The following TRPM7 variants were observed in gnomAD, a reference collection of about 807,000 sequenced individuals.
TRPM7 encodes the protein LTRPC ion channel family member 7.
In TRPM7, 134 loss-of-function variants were observed where a neutral mutation model predicts 229.7. The observed-to-expected ratio is 0.58, with a 90% CI of 0.51 to 0.67. The LOEUF is 0.67. Ranked by LOEUF, TRPM7 falls within the 30% of genes least tolerant of loss-of-function variation. The probability of loss-of-function intolerance (pLI) is 0.00; values close to 1 mark genes in which losing one functional copy is unlikely to be tolerated. For synonymous variants in TRPM7, 699 were observed against 715.2 expected (o/e 0.98, Z 0.36); for missense variants, 1,901 against 2,210.0 (o/e 0.86, Z 2.80).
intron 27 of TRPM7, among the ~76,000 whole-genome samples, chr15:50,589,008 T>A (rs1376861506): frequency 6.6e-6 from 1 of 151,956 alleles, no homozygotes; most frequent in Non-Finnish European, 1.5e-5. Context: ...GGAAAACATA[T>A]GGGGAGAAGA....
intron 26 of TRPM7, among the ~76,000 whole-genome samples, chr15:50,590,282 A>G (rs78060554): frequency 6.7e-6 from 1 of 149,276 alleles, no homozygotes; most frequent in Non-Finnish European, 1.5e-5. Flanking sequence ...TACTATTAAT[A>G]AAAAAAAAAG....
chr15:50,626,891 T>C (rs1234449106), intron 11 of TRPM7, among the ~76,000 whole-genome samples: 1 of 152,150 alleles, frequency 6.6e-6, no homozygotes, highest in Non-Finnish European at 1.5e-5. Flanking sequence ...TTAACAGTTT[T>C]AGAAAGGTAC....
At chr15:50,665,915 C>A (rs1420723752) in intron 1 of TRPM7, among the ~76,000 whole-genome samples, 2 of 152,044 alleles carry the variant, frequency 1.3e-5, no homozygotes, top group South Asian at 2.1e-4. Context: ...ACTGCTTGAA[C>A]GTGGAAGGCA....
intron 1 of TRPM7, among the ~76,000 whole-genome samples, chr15:50,666,976 G>A (rs1012264707): frequency 5.3e-5 from 8 of 152,014 alleles, no homozygotes; most frequent in African/African-American, 1.9e-4. Flanking sequence ...GTATGGATTC[G>A]CCTCAAATTC....
rs550907707 is a variant in TRPM7 at position 50,557,255 on chromosome 15, A to G, written c.*4423T>C. 2 of 152,336 alleles carry G rather than the reference A, an allele frequency of 1.3e-5. No individual in the cohort carries two copies. Among genetic ancestry groups the G allele is most frequent in the African/African-American group, 4.8e-5 (2 of 41,578 alleles). 9.4% of individuals were successfully genotyped at this position (152,336 alleles called of 1,614,324 possible). ...ATTACGACCCATCTCTTCAAGAGGA[A>G]GTCTGGTATTATGGAAAAACATTTT... On this transcript the variant is annotated 3_prime_UTR_variant, in exon 39 of 39. Transcript: ENST00000646667.
Position 50,686,748 on chromosome 15 carries a change from G to A in TRPM7, c.-215C>T. On this transcript the variant is annotated 5_prime_UTR_variant, in exon 1 of 39. Transcript: ENST00000646667. Reference sequence around the variant, plus strand: ...TGCGACCAACTCCTCCGGGTGACTGGCCACAGGGACGCGCCCGCGCCCGCC... The same window carrying A: ...TGCGACCAACTCCTCCGGGTGACTGACCACAGGGACGCGCCCGCGCCCGCC... 3.6e-6 allele frequency: 2 copies of A among 558,002 alleles called. No homozygotes were observed. The highest frequency in any genetic ancestry group is 2.9e-6 in the Non-Finnish European group (1 of 341,838). 34.6% of individuals were successfully genotyped at this position (558,002 alleles called of 1,614,324 possible).
rs766059239 is a variant in TRPM7 at position 50,575,869 on chromosome 15, C to T, written c.4669G>A (p.Ala1557Thr). 2 of 1,612,718 alleles carry T rather than the reference C, an allele frequency of 1.2e-6. No homozygotes were observed. Among genetic ancestry groups the T allele is most frequent in the Admixed American group, 1.7e-5 (1 of 59,874 alleles). ...PAMDTNYYYS[A>T]VERNNLMRLS... is the part of the protein sequence containing the mutation. ...AAATTTTGTTTTTAATATTACTGAC[C>T]TGAATAATAGTAATTTGTATCCATA... Residue 1557 changes from alanine to threonine, a missense_variant and splice_region_variant, in exon 32 of 39, where the codon GCT (alanine) becomes ACT (threonine). Physicochemically the swap from Ala to Thr is moderately conservative, Grantham distance 58. Coordinates refer to ENST00000646667, the MANE Select transcript of TRPM7 (RefSeq NM_017672.6).
chr15:50,676,709 A>C (rs934624), intron 1 of TRPM7, among the ~76,000 whole-genome samples: 53,056 of 151,956 alleles, frequency 0.35, 10,463 homozygotes, highest in Admixed American at 0.48. Context: ...GCCTGAAAAC[A>C]GTCCCCATCC....
At chr15:50,653,632 G>A (rs550331110) in intron 3 of TRPM7, among the ~76,000 whole-genome samples, 1 of 152,268 alleles carries the variant, frequency 6.6e-6, no homozygotes, top group African/African-American at 2.4e-5. Flanking sequence ...TCATAGAGAT[G>A]ACACCTAGGC....
chr15:50,641,340 T>G (rs1270600199), intron 5 of TRPM7, among the ~76,000 whole-genome samples: 1 of 152,156 alleles, frequency 6.6e-6, no homozygotes, highest in Non-Finnish European at 1.5e-5. Context: ...CTTATTCCAC[T>G]CAAGCTATAT....
chr15:50,612,528 A>C, intron 16 of TRPM7, 21 bp downstream of exon 16: 1 of 1,595,420 alleles, frequency 6.3e-7, no homozygotes, highest in Non-Finnish European at 8.5e-7. Context: ...AAATGTTTTC[A>C]AATGATAAAA....
At chr15:50,588,272 T>C in intron 27 of TRPM7, 1 of 982,070 alleles carries the variant, frequency 1.0e-6, no homozygotes. Context: ...AAGAAAATTA[T>C]GCAACTATTC....
intron 1 of TRPM7, among the ~76,000 whole-genome samples, chr15:50,663,610 G>A (rs1315879324): frequency 6.6e-6 from 1 of 152,146 alleles, no homozygotes; most frequent in Non-Finnish European, 1.5e-5. Context: ...CCTAGTTTGA[G>A]ATTCCCACTA....
chr15:50,597,360 C>A (rs767917907), intron 22 of TRPM7, among the ~76,000 whole-genome samples: 1 of 152,192 alleles, frequency 6.6e-6, no homozygotes, highest in Non-Finnish European at 1.5e-5. Flanking sequence ...ATTTATAGTA[C>A]ACTTAGCATT....
At chr15:50,584,482 T>C (rs2140318988) in intron 28 of TRPM7, among the ~76,000 whole-genome samples, 1 of 152,262 alleles carries the variant, frequency 6.6e-6, no homozygotes, top group East Asian at 1.9e-4. Flanking sequence ...AGTTCAATTC[T>C]TGTCTTCTTT....
rs776894566 is a variant in TRPM7 at position 50,607,188 on chromosome 15, C to A, written c.2709+12G>T. On this transcript the variant is annotated intron_variant, in intron 20 of 38. Transcript: ENST00000646667. ...ACAGTAAATTATTGGTAGAAAAAAA[C>A]TAAAGACATACCTCACGGACTTTCT... The A allele has an allele frequency of 1.3e-6, 2 of 1,592,204 alleles. No homozygotes were observed. Among genetic ancestry groups the A allele is most frequent in the East Asian group, 2.2e-5 (1 of 44,550 alleles).
Position 50,643,572 on chromosome 15 carries a change from A to C in TRPM7, c.322-19T>G. On this transcript the variant is annotated intron_variant, in intron 4 of 38. Transcript: ENST00000646667. ...TCACATACTAGAAAAAGATTTTAAA[A>C]GGAGAAAATAATTGAACATGTTCAC... The C allele has an allele frequency of 6.2e-7, 1 of 1,600,420 alleles. No homozygotes were observed. The highest frequency in any genetic ancestry group is 8.6e-7 in the Non-Finnish European group (1 of 1,168,552).
intron 23 of TRPM7, among the ~76,000 whole-genome samples, chr15:50,595,858 C>A (rs1285169447): frequency 2.0e-5 from 3 of 151,334 alleles, no homozygotes; most frequent in Non-Finnish European, 2.9e-5. Flanking sequence ...GACTGTGTCT[C>A]AAAAATAAAT....
chr15:50,630,088 C>G (rs1341962441), intron 10 of TRPM7, among the ~76,000 whole-genome samples: 1 of 152,066 alleles, frequency 6.6e-6, no homozygotes, highest in Non-Finnish European at 1.5e-5. Context: ...TCTTGAACTC[C>G]TGACCTCAAG....
Sources: allele counts gnomAD v4.1 joint callset (sites outside exome capture counted in the v4.1 genomes callset), GRCh38; gene constraint gnomAD v4.1.1; transcripts MANE v1.5; gene names NCBI Gene and HGNC (gene_info 2026-07-23, HGNC 2026-07-21).